SLC35D4: variants seen among roughly 807,000 people sequenced by gnomAD.
SLC35D4 encodes solute carrier family 35 member D4, also known as UDP-N-acetylglucosamine transporter SLC35D4.
chr18:23,364,159 A>C, the SLC35D4 span, among the ~76,000 whole-genome samples: 3 of 152,344 alleles, frequency 2.0e-5, no homozygotes, highest in East Asian at 5.8e-4. Context: ...GAAAGCTGTT[A>C]CTGCTTTAAG....
the SLC35D4 span, among the ~76,000 whole-genome samples, chr18:23,423,521 C>G: frequency 6.6e-6 from 1 of 152,212 alleles, no homozygotes; most frequent in Non-Finnish European, 1.5e-5. Flanking sequence ...ATGTGCAGGG[C>G]AGTCCCCGCT....
the SLC35D4 span, among the ~76,000 whole-genome samples, chr18:23,251,364 T>C: frequency 6.6e-6 from 1 of 152,142 alleles, no homozygotes; most frequent in South Asian, 2.1e-4. Flanking sequence ...GGCAGGAGAA[T>C]TGCTTAAACC....
At chr18:23,331,920 C>CTA in the SLC35D4 span, among the ~76,000 whole-genome samples, 1 of 121,080 alleles carries the variant, frequency 8.3e-6, no homozygotes, top group East Asian at 2.4e-4. Flanking sequence ...GAGTCTTGCT[C>CTA]TGTTGCCCAG....
the SLC35D4 span, chr18:23,257,493 G>T: frequency 1.8e-6 from 2 of 1,123,868 alleles, no homozygotes; most frequent in South Asian, 3.5e-5. Flanking sequence ...GACATAGTTT[G>T]GGGAGAAGCA....
At chr18:23,387,492 C>G in the SLC35D4 span, among the ~76,000 whole-genome samples, 1 of 152,172 alleles carries the variant, frequency 6.6e-6, no homozygotes. Context: ...CTGGTAGCCC[C>G]GCCCTCAGCA....
the SLC35D4 span, among the ~76,000 whole-genome samples, chr18:23,352,929 C>T: frequency 6.6e-6 from 1 of 152,162 alleles, no homozygotes; most frequent in Non-Finnish European, 1.5e-5. Context: ...CCAACAAGGG[C>T]GAGGGCACAG....
the SLC35D4 span, among the ~76,000 whole-genome samples, chr18:23,392,289 T>C: frequency 6.6e-6 from 1 of 152,204 alleles, no homozygotes; most frequent in Non-Finnish European, 1.5e-5. Context: ...TTATCTTTTT[T>C]TAACTGTAAT....
chr18:23,292,498 G>T, the SLC35D4 span, among the ~76,000 whole-genome samples: 1 of 152,186 alleles, frequency 6.6e-6, no homozygotes, highest in Non-Finnish European at 1.5e-5. Context: ...GACCCTGCCC[G>T]GTGGCAAAGG....
chr18:23,365,743 T>C, the SLC35D4 span: 9 of 1,557,674 alleles, frequency 5.8e-6, no homozygotes, highest in African/African-American at 4.1e-5. Context: ...CACATTTTAC[T>C]TGGAAATAGT....
At chr18:23,341,644 T>G in the SLC35D4 span, among the ~76,000 whole-genome samples, 1 of 152,220 alleles carries the variant, frequency 6.6e-6, no homozygotes, top group East Asian at 1.9e-4. Context: ...TTGTCGTATT[T>G]CAAATGTCAG....
the SLC35D4 span, among the ~76,000 whole-genome samples, chr18:23,261,169 A>G: frequency 2.6e-5 from 4 of 152,280 alleles, no homozygotes; most frequent in East Asian, 7.7e-4. Flanking sequence ...TACAACATCA[A>G]TACACCTAGT....
the SLC35D4 span, among the ~76,000 whole-genome samples, chr18:23,416,286 T>C: frequency 6.6e-6 from 1 of 152,146 alleles, no homozygotes; most frequent in Admixed American, 6.5e-5. Context: ...AAATGAGTTC[T>C]CCATGGCCTA....
the SLC35D4 span, chr18:23,298,137 G>T: frequency 1.3e-6 from 2 of 1,571,334 alleles, no homozygotes; most frequent in East Asian, 2.2e-5. Context: ...GCCCACATAC[G>T]CAGGGCAAGG....
the SLC35D4 span, among the ~76,000 whole-genome samples, chr18:23,309,143 T>G: frequency 2.6e-5 from 4 of 151,980 alleles, no homozygotes; most frequent in African/African-American, 7.3e-5. Context: ...TCAGTACAGA[T>G]GCAACCATTG....
At chr18:23,368,825 T>C in the SLC35D4 span, 7 of 952,626 alleles carry the variant, frequency 7.3e-6, no homozygotes, top group East Asian at 1.9e-4. Flanking sequence ...ATCATTGTCT[T>C]CTACTAATAA....
chr18:23,288,945 T>C, the SLC35D4 span, among the ~76,000 whole-genome samples: 1 of 152,164 alleles, frequency 6.6e-6, no homozygotes, highest in Non-Finnish European at 1.5e-5. Context: ...TTTACCACTT[T>C]CCCTTCTCAG....
At chr18:23,267,533 GCTCTTGTT>G in the SLC35D4 span, among the ~76,000 whole-genome samples, 1 of 151,838 alleles carries the variant, frequency 6.6e-6, no homozygotes, top group Non-Finnish European at 1.5e-5. Context: ...CACTCCTCTA[GCTCTTGTT>G]CTGTGCCACA....
At chr18:23,281,517 C>T in the SLC35D4 span, among the ~76,000 whole-genome samples, 12 of 152,032 alleles carry the variant, frequency 7.9e-5, no homozygotes, top group African/African-American at 2.7e-4. Context: ...TTAGTAGAAA[C>T]GGAGTTTCAC....
the SLC35D4 span, among the ~76,000 whole-genome samples, chr18:23,291,539 C>A: frequency 6.6e-6 from 1 of 152,198 alleles, no homozygotes; most frequent in Non-Finnish European, 1.5e-5. Context: ...ATGGGCTGGT[C>A]TGGAGGACCT....
Sources: gnomAD v4.1 joint callset for allele counts (sites outside exome capture counted in the v4.1 genomes callset) on GRCh38, gnomAD v4.1.1 for gene constraint, MANE v1.5 for transcripts, NCBI Gene and HGNC (gene_info 2026-07-23, HGNC 2026-07-21) for gene names.